Variants in TGM6 observed in about 807,000 individuals in gnomAD.
The protein encoded by TGM6 is transglutaminase 6.
In TGM6, 74 loss-of-function variants were observed where a neutral mutation model predicts 77.5. That is an observed-to-expected ratio of 0.96 (90% CI 0.79 to 1.16). The LOEUF is 1.16. Among genes scored for constraint, TGM6 ranks in the 50% most tolerant of loss-of-function variants. The pLI, the probability that TGM6 is intolerant of heterozygous loss-of-function variation, is 0.00. For synonymous variants in TGM6, 383 were observed against 378.9 expected (o/e 1.01, Z -0.12); for missense variants, 968 against 940.2 (o/e 1.03, Z -0.39).
At chr20:2,383,388 T>G (rs1181283635) in intron 1 of TGM6, among the ~76,000 whole-genome samples, 2 of 152,130 alleles carry the variant, frequency 1.3e-5, no homozygotes, top group Non-Finnish European at 2.9e-5. Flanking sequence ...GGTGGAGAGC[T>G]AAGTCGGCAG....
chr20:2,432,418 G>A (rs571035403), intron 12 of TGM6, 72 bp from the exon 13 acceptor site: 21 of 1,591,460 alleles, frequency 1.3e-5, no homozygotes, highest in African/African-American at 5.4e-5. Context: ...CTGGGGAGCC[G>A]TGGATTGGCA....
intron 1 of TGM6, among the ~76,000 whole-genome samples, chr20:2,384,843 T>C (rs2084583475): frequency 6.6e-6 from 1 of 152,108 alleles, no homozygotes; most frequent in South Asian, 2.1e-4. Flanking sequence ...ACCACATCCT[T>C]TCCCTGTGCC....
chr20:2,382,738 A>T (rs927514697), intron 1 of TGM6, among the ~76,000 whole-genome samples: 2 of 152,058 alleles, frequency 1.3e-5, no homozygotes, highest in Admixed American at 6.6e-5. Context: ...CAGATCCTAG[A>T]TGGAAAGTGT....
chr20:2,406,920 C>T (rs1199617460), intron 9 of TGM6, among the ~76,000 whole-genome samples: 1 of 142,604 alleles, frequency 7.0e-6, no homozygotes, highest in Non-Finnish European at 1.5e-5. Context: ...TGATGACAAT[C>T]ACTGTTACTG....
intron 9 of TGM6, among the ~76,000 whole-genome samples, chr20:2,412,236 G>T (rs954012806): frequency 1.2e-4 from 18 of 152,140 alleles, no homozygotes; most frequent in East Asian, 1.9e-4. Context: ...AGACATAAAA[G>T]AACAAATATT....
intron 10 of TGM6, among the ~76,000 whole-genome samples, chr20:2,427,471 T>G (rs1225114026): frequency 1.3e-5 from 2 of 152,196 alleles, no homozygotes; most frequent in Non-Finnish European, 2.9e-5. Context: ...TTGACTTTAC[T>G]GATCTTTTCA....
intron 9 of TGM6, among the ~76,000 whole-genome samples, chr20:2,416,795 G>A (rs1220592076): frequency 6.6e-6 from 1 of 152,144 alleles, no homozygotes; most frequent in Non-Finnish European, 1.5e-5. Flanking sequence ...AATGGAATTT[G>A]GAGCTTTACT....
At chr20:2,393,390 T>C (rs2084641168) in intron 1 of TGM6, among the ~76,000 whole-genome samples, 1 of 152,254 alleles carries the variant, frequency 6.6e-6, no homozygotes, top group South Asian at 2.1e-4. Context: ...AGCATAGGAC[T>C]GAAGTGCTGT....
At chr20:2,406,821 C>T (rs1376640415) in intron 9 of TGM6, among the ~76,000 whole-genome samples, 3 of 71,418 alleles carry the variant, frequency 4.2e-5, no homozygotes, top group East Asian at 7.1e-4. Context: ...GCAACAAGTG[C>T]GAAACTCCTC....
chr20:2,394,319 A>G lies in TGM6; in HGVS notation c.8-133A>G, dbSNP rs1599947123. The G allele has an allele frequency of 5.6e-6, 6 of 1,076,348 alleles. No homozygotes were observed. The East Asian group carries it at 1.5e-4, about 27-fold the overall frequency. 66.7% of individuals were successfully genotyped at this position (1,076,348 alleles called of 1,614,324 possible). The stretch of plus-strand genomic sequence containing the variant: ...AAAACAAACAAACAAACAAACAAAC[A>G]GAGAATCGCCGGTATATGATAAATA... On this transcript the variant is annotated intron_variant, in intron 1 of 12. Transcript: ENST00000202625.
chr20:2,402,490 A>G (rs556091125), intron 7 of TGM6, among the ~76,000 whole-genome samples: 25 of 152,304 alleles, frequency 1.6e-4, no homozygotes, highest in African/African-American at 6.0e-4. Context: ...TCATGCAGAA[A>G]GCACAGACAC....
intron 5 of TGM6, 37 bp from the exon 6 acceptor site, chr20:2,399,524 C>A (rs527994347): frequency 6.2e-7 from 1 of 1,612,032 alleles, no homozygotes; most frequent in Non-Finnish European, 8.5e-7. Flanking sequence ...GGTAGGAAGC[C>A]CTGCCTGGTT....
rs1351439672 is a variant in TGM6, at chr20:2,400,303, C to A, written c.851-3C>A. 6.2e-7 allele frequency: 1 copy of A among 1,614,172 alleles called. No individual in the cohort carries two copies. Among genetic ancestry groups the A allele is most frequent in the African/African-American group, 1.3e-5 (1 of 75,070 alleles). On this transcript the variant is annotated splice_region_variant and splice_polypyrimidine_tract_variant and intron_variant, in intron 6 of 12. Transcript: ENST00000202625. Reference sequence around the variant, plus strand: ...GCCTGCTCCGAGCCTCTCTGCTCTGCAGTCCTCAGGTGCTTGGGGATAGCC... The same window carrying A: ...GCCTGCTCCGAGCCTCTCTGCTCTGAAGTCCTCAGGTGCTTGGGGATAGCC...
chr20:2,405,377 C>T (rs2084742515), intron 9 of TGM6, among the ~76,000 whole-genome samples: 1 of 152,230 alleles, frequency 6.6e-6, no homozygotes, highest in Non-Finnish European at 1.5e-5. Flanking sequence ...CCAGATTCCA[C>T]CCCTGACTAA....
In TGM6 at chr20:2,395,299, C is replaced by T; in HGVS notation, c.287C>T (p.Thr96Ile). The change falls in exon 3 of 13, where the codon ACT becomes ATT. Residue 96 changes from threonine to isoleucine, a missense_variant. By Grantham distance (89) the Thr-to-Ile change is moderately conservative. Coordinates refer to ENST00000202625, the MANE Select transcript of TGM6 (RefSeq NM_198994.3). Reference sequence around the variant, plus strand: ...GCAAGGGAGGCTCAGATGGAGAAAACTCTGACCGTCAGTCTCGCCAGCCCT... The same window carrying T: ...GCAAGGGAGGCTCAGATGGAGAAAATTCTGACCGTCAGTCTCGCCAGCCCT... ...TAAREAQMEK[T>I]LTVSLASPPS... The T allele has an allele frequency of 6.2e-7, 1 of 1,614,084 alleles. No homozygotes were observed. Among genetic ancestry groups the T allele is most frequent in the Non-Finnish European group, 8.5e-7 (1 of 1,180,034 alleles).
chr20:2,418,698 G>T (rs1239263853), intron 10 of TGM6, among the ~76,000 whole-genome samples: 2 of 152,236 alleles, frequency 1.3e-5, no homozygotes, highest in African/African-American at 4.8e-5. Flanking sequence ...TTTATCCTTA[G>T]TATTTCATAG....
In TGM6 at chr20:2,395,425, C is replaced by A. The variant is rs778956496; in HGVS notation, c.413C>A (p.Pro138Gln). 5 of 1,614,136 alleles carry A rather than the reference C, an allele frequency of 3.1e-6. No homozygotes were observed. Among genetic ancestry groups the A allele is most frequent in the Non-Finnish European group, 4.2e-6 (5 of 1,180,052 alleles). Residue 138 changes from proline to glutamine, a missense_variant, in exon 3 of 13, where the codon CCA (proline) becomes CAA (glutamine). Coordinates refer to ENST00000202625, the MANE Select transcript of TGM6 (RefSeq NM_198994.3). ...GGCGAGTTTGTTCTCCTTTTCAACC[C>A]ATGGTGTGCAGGTAGGAGTGGCCAA... is the stretch of plus-strand genomic sequence containing the variant. The part of the protein sequence containing the change: ...RLGEFVLLFN[P>Q]WCAEDDVFLA...
At position 2,417,515 on chromosome 20, in the gene TGM6, C is replaced by T. The variant is rs762232364; in HGVS notation, c.1620C>T (p.Arg540=). Residue 540 remains arginine, a synonymous_variant, in exon 10 of 13, where the codon CGC becomes CGT. Coordinates refer to ENST00000202625, the MANE Select transcript of TGM6 (RefSeq NM_198994.3). ...NLSGATILYT[R]KPVAEILHES... Reference sequence around the variant, plus strand: ...GCGGTGCCACCATCCTCTATACCCGCAAGCCAGTGGCAGAGATCCTGCATG... The same window carrying T: ...GCGGTGCCACCATCCTCTATACCCGTAAGCCAGTGGCAGAGATCCTGCATG... 39 of 1,606,144 alleles carry T rather than the reference C, an allele frequency of 2.4e-5. No homozygotes were observed. The highest frequency in any genetic ancestry group is 3.1e-5 in the Non-Finnish European group (36 of 1,179,636).
chr20:2,385,728 C>T (rs1173648808), intron 1 of TGM6, among the ~76,000 whole-genome samples: 3 of 152,142 alleles, frequency 2.0e-5, no homozygotes, highest in South Asian at 4.1e-4. Flanking sequence ...TGCTGATCCT[C>T]GAGGGCGGGC....
Sources: gnomAD v4.1 joint callset for allele counts (sites outside exome capture counted in the v4.1 genomes callset) on GRCh38, gnomAD v4.1.1 for gene constraint, MANE v1.5 for transcripts, NCBI Gene and HGNC (gene_info 2026-07-23, HGNC 2026-07-21) for gene names.